NRG1: variants seen among roughly 807,000 people sequenced by gnomAD.
NRG1 encodes pro-neuregulin-1, membrane-bound isoform.
A neutral mutation model predicts 63.8 loss-of-function variants in NRG1; 18 were observed. That is an observed-to-expected ratio of 0.28 (90% confidence interval 0.19 to 0.42). The LOEUF (loss-of-function observed/expected upper bound fraction) is 0.42, where lower values mean the gene tolerates loss of function less well. Ranked by LOEUF, NRG1 falls within the 10% of genes least tolerant of loss-of-function variation. The pLI is 1.00. For missense variants in NRG1, 762 were observed against 814.7 expected (o/e 0.94, Z 0.79); for synonymous variants, 302 against 301.3 (o/e 1.00, Z -0.02).
chr8:31,754,932 C>T (rs1232967351), intron 1 of NRG1, among the ~76,000 whole-genome samples: 2 of 152,020 alleles, frequency 1.3e-5, no homozygotes, highest in Non-Finnish European at 2.9e-5. Flanking sequence ...TTTCCCTTAT[C>T]TACCTATTCA....
At chr8:32,113,140 G>C (rs10808322) in intron 1 of NRG1, among the ~76,000 whole-genome samples, 106,837 of 151,998 alleles carry the variant, frequency 0.7, 37,855 homozygotes, top group Admixed American at 0.78. Context: ...GCTGTTGGAT[G>C]TCAGATATCT....
At chr8:32,497,369 C>A (rs968448497) in intron 1 of NRG1, among the ~76,000 whole-genome samples, 6 of 150,550 alleles carry the variant, frequency 4.0e-5, no homozygotes, top group African/African-American at 1.2e-4. Context: ...ATCACTTGAA[C>A]CTGGGAGGCG....
intron 1 of NRG1, among the ~76,000 whole-genome samples, chr8:31,690,131 C>T (rs1809339667): frequency 6.6e-6 from 1 of 152,232 alleles, no homozygotes; most frequent in Non-Finnish European, 1.5e-5. Flanking sequence ...TTTTACTCCA[C>T]ACTTCTCCTT....
intron 1 of NRG1, among the ~76,000 whole-genome samples, chr8:32,056,888 G>C (rs952400537): frequency 6.6e-6 from 1 of 152,164 alleles, no homozygotes; most frequent in Admixed American, 6.6e-5. Flanking sequence ...AGATGGCAAA[G>C]AGATAGTAAA....
At chr8:32,109,930 T>C (rs943502601) in intron 1 of NRG1, among the ~76,000 whole-genome samples, 2 of 152,186 alleles carry the variant, frequency 1.3e-5, no homozygotes, top group African/African-American at 4.8e-5. Flanking sequence ...CAAATCTCTT[T>C]AACTTTCTAG....
intron 1 of NRG1, among the ~76,000 whole-genome samples, chr8:32,243,360 G>A (rs2129469840): frequency 6.6e-6 from 1 of 151,802 alleles, no homozygotes; most frequent in Non-Finnish European, 1.5e-5. Context: ...AACCCAGGAG[G>A]CAGACGTTGC....
At chr8:32,763,703 C>T in intron 11 of NRG1, 45 bp from the exon 12 acceptor site, 3 of 1,504,804 alleles carry the variant, frequency 2.0e-6, no homozygotes, top group South Asian at 1.3e-5. Context: ...TGCTATGTGC[C>T]TCTTATTGCA....
rs572216336 is a variant in NRG1, at chr8:32,318,510, G to A, written c.38-277318G>A. Among the ~76,000 whole-genome samples the A allele has an allele frequency of 1.8e-4, 28 of 152,194 alleles. No individual in the cohort carries two copies. In the East Asian group the frequency reaches 5.4e-3, roughly 29 times the overall value. ...AAGTGACTTAACCTGTAACAGGCTG[G>A]TCCAAACATCCGAGCCTCAACTAGA... On this transcript the variant is annotated intron_variant, in intron 1 of 10. Transcript: ENST00000519301.
At chr8:31,639,455 G>A in intron 1 of NRG1, 2 of 1,533,180 alleles carry the variant, frequency 1.3e-6, no homozygotes, top group East Asian at 2.5e-5. Context: ...CGAGGCGCAG[G>A]ACGCTGTCGC....
chr8:31,796,716 C>A (rs559244365), intron 1 of NRG1, among the ~76,000 whole-genome samples: 2 of 152,072 alleles, frequency 1.3e-5, no homozygotes, highest in African/African-American at 2.4e-5. Flanking sequence ...GGATTACAGG[C>A]GTGAGCCACT....
intron 1 of NRG1, among the ~76,000 whole-genome samples, chr8:31,747,443 C>T (rs575704005): frequency 3.3e-5 from 5 of 152,008 alleles, no homozygotes; most frequent in East Asian, 1.9e-4. Context: ...GTGACAAATT[C>T]GGAAATGGAA....
At chr8:31,801,778 A>G (rs1391383184) in intron 1 of NRG1, among the ~76,000 whole-genome samples, 2 of 152,222 alleles carry the variant, frequency 1.3e-5, no homozygotes, top group African/African-American at 2.4e-5. Flanking sequence ...AGTATTTTTC[A>G]TATTGCTCAA....
chr8:31,670,237 C>T (rs866320058), intron 1 of NRG1, among the ~76,000 whole-genome samples: 7 of 152,064 alleles, frequency 4.6e-5, no homozygotes, highest in African/African-American at 1.7e-4. Context: ...GTCATCCATC[C>T]AGCACTGAGT....
chr8:31,941,755 G>A (rs547092599), intron 1 of NRG1, among the ~76,000 whole-genome samples: 8 of 152,110 alleles, frequency 5.3e-5, no homozygotes, highest in Admixed American at 2.6e-4. Flanking sequence ...CAGCAACCAA[G>A]CTGAGAATCA....
At chr8:32,765,634 A>G (rs1831367924) in exon 12 of NRG1, 4 of 152,128 alleles carry the variant, frequency 2.6e-5, no homozygotes, top group African/African-American at 9.7e-5. Flanking sequence ...ATTTTTTATC[A>G]GGAATGGCCG....
intron 1 of NRG1, among the ~76,000 whole-genome samples, chr8:31,643,883 G>A (rs1297158839): frequency 6.6e-6 from 1 of 152,098 alleles, no homozygotes; most frequent in African/African-American, 2.4e-5. Flanking sequence ...ATCTACAATT[G>A]GGCTATGCCA....
At chr8:32,696,853 G>T (rs978532896) in intron 5 of NRG1, among the ~76,000 whole-genome samples, 4 of 151,912 alleles carry the variant, frequency 2.6e-5, no homozygotes, top group African/African-American at 9.7e-5. Flanking sequence ...TAGAGACGGG[G>T]TTTTACCCTG....
At chr8:32,749,206 A>T (rs936557025) in intron 7 of NRG1, 3 of 220,450 alleles carry the variant, frequency 1.4e-5, no homozygotes, top group African/African-American at 2.3e-5. Context: ...AAGGAATGAA[A>T]TAGTATCAAA....
chr8:31,741,557 G>GA, intron 1 of NRG1, among the ~76,000 whole-genome samples: 1 of 151,862 alleles, frequency 6.6e-6, no homozygotes, highest in African/African-American at 2.4e-5. Context: ...AAAGCAAACT[G>GA]AAAAATACTT....
Sources: gnomAD v4.1 joint callset for allele counts (sites outside exome capture counted in the v4.1 genomes callset) on GRCh38, gnomAD v4.1.1 for gene constraint, MANE v1.5 for transcripts, NCBI Gene and HGNC (gene_info 2026-07-23, HGNC 2026-07-21) for gene names.